ROBO2: variants seen among roughly 807,000 people sequenced by gnomAD.
The protein encoded by ROBO2 is roundabout homolog 2.
In ROBO2, 53 loss-of-function variants were observed where a neutral mutation model predicts 160.8. That is an observed-to-expected ratio of 0.33 (90% CI 0.26 to 0.41). The LOEUF (loss-of-function observed/expected upper bound fraction) is 0.41. Among genes scored for constraint, ROBO2 ranks in the 10% least tolerant of loss-of-function variants. The pLI is 1.00. For synonymous variants in ROBO2, 664 were observed against 611.7 expected (o/e 1.09, Z -1.26); for missense variants, 1,577 against 1,722.4 (o/e 0.92, Z 1.49).
chr3:76,884,080 T>C (rs1240341640), intron 2 of ROBO2, among the ~76,000 whole-genome samples: 2 of 152,218 alleles, frequency 1.3e-5, no homozygotes, highest in East Asian at 3.8e-4. Context: ...GCATAAGCAT[T>C]ATTATGAATC....
chr3:77,410,498 C>CTCCTCTTCCTCCTCT (rs147263172), intron 2 of ROBO2, among the ~76,000 whole-genome samples: 1 of 134,836 alleles, frequency 7.4e-6, no homozygotes, highest in Non-Finnish European at 1.7e-5. Flanking sequence ...TTTCCTCCTC[C>CTCCTCTTCCTCCTCT]TCCTCTTCCT....
intron 1 of ROBO2, among the ~76,000 whole-genome samples, chr3:77,081,653 G>A (rs2068672020): frequency 6.6e-6 from 1 of 152,220 alleles, no homozygotes; most frequent in South Asian, 2.1e-4. Context: ...AAGGGAGGCA[G>A]TGGCTTGTGC....
intron 2 of ROBO2, among the ~76,000 whole-genome samples, chr3:76,322,594 T>C (rs2072657532): frequency 6.6e-6 from 1 of 152,088 alleles, no homozygotes; most frequent in Non-Finnish European, 1.5e-5. Flanking sequence ...AATTTGAAAG[T>C]GATAGCATGT....
At chr3:75,994,989 A>G (rs1300116823) in intron 2 of ROBO2, among the ~76,000 whole-genome samples, 6 of 152,214 alleles carry the variant, frequency 3.9e-5, no homozygotes, top group Non-Finnish European at 7.3e-5. Context: ...ACTTTGAACT[A>G]GAGAGAGATG....
intron 2 of ROBO2, among the ~76,000 whole-genome samples, chr3:76,766,985 T>A (rs1442162587): frequency 6.6e-6 from 1 of 151,532 alleles, no homozygotes; most frequent in East Asian, 2.0e-4. Context: ...CTTCACATTA[T>A]TTATAAAGTT....
chr3:77,317,420 T>C (rs2064120325), intron 2 of ROBO2: 2 of 1,443,374 alleles, frequency 1.4e-6, no homozygotes, highest in Admixed American at 3.4e-5. Flanking sequence ...AGTCAGTCCA[T>C]CGGTACCTGG....
At chr3:77,124,057 C>T (rs2150296200) in intron 2 of ROBO2, among the ~76,000 whole-genome samples, 2 of 150,416 alleles carry the variant, frequency 1.3e-5, no homozygotes, top group South Asian at 4.2e-4. Flanking sequence ...ATTTGAAAAA[C>T]TGCTTTCTTG....
intron 2 of ROBO2, among the ~76,000 whole-genome samples, chr3:76,740,961 GA>G (rs1475706374): frequency 6.6e-6 from 1 of 151,966 alleles, no homozygotes; most frequent in Non-Finnish European, 1.5e-5. Flanking sequence ...ATTATTTTAA[GA>G]AAGTACAGCC....
At chr3:76,308,951 C>T (rs546222688) in intron 2 of ROBO2, among the ~76,000 whole-genome samples, 5 of 152,262 alleles carry the variant, frequency 3.3e-5, no homozygotes, top group African/African-American at 1.2e-4. Context: ...AACCTTGTTC[C>T]GGCCAGACCT....
intron 2 of ROBO2, among the ~76,000 whole-genome samples, chr3:76,825,534 C>T (rs79784357): frequency 0.026 from 3,385 of 130,218 alleles, 55 homozygotes; most frequent in Non-Finnish European, 0.035. Flanking sequence ...AAAGTAACTA[C>T]GAAGAAAAAT....
chr3:76,979,158 G>C (rs1388554549), intron 2 of ROBO2, among the ~76,000 whole-genome samples: 1 of 151,938 alleles, frequency 6.6e-6, no homozygotes, highest in East Asian at 1.9e-4. Context: ...TGCCCAGGTT[G>C]GTCTCGAACT....
At chr3:76,187,026 A>G (rs970187499) in intron 2 of ROBO2, among the ~76,000 whole-genome samples, 1 of 151,192 alleles carries the variant, frequency 6.6e-6, no homozygotes, top group Non-Finnish European at 1.5e-5. Context: ...ACCCTATGCC[A>G]TCCATAAATA....
chr3:77,310,867 A>C (rs2063488179), intron 2 of ROBO2, among the ~76,000 whole-genome samples: 1 of 151,470 alleles, frequency 6.6e-6, no homozygotes, highest in Admixed American at 6.6e-5. Flanking sequence ...AAAAAAAAAT[A>C]AAAGAACAGA....
exon 1 of ROBO2, chr3:77,040,607 C>T: frequency 6.8e-7 from 1 of 1,460,198 alleles, no homozygotes; most frequent in Non-Finnish European, 9.0e-7. Context: ...TCTCAGTGTG[C>T]CCCGTTCGAG....
At chr3:77,066,094 T>C (rs1486827594) in intron 1 of ROBO2, among the ~76,000 whole-genome samples, 1 of 152,008 alleles carries the variant, frequency 6.6e-6, no homozygotes, top group African/African-American at 2.4e-5. Flanking sequence ...GTGAATTATG[T>C]CTCATCATAA....
At chr3:76,229,375 CAA>C (rs1311031221) in intron 2 of ROBO2, among the ~76,000 whole-genome samples, 1 of 151,464 alleles carries the variant, frequency 6.6e-6, no homozygotes, top group African/African-American at 2.4e-5. Context: ...AGTAAAATTA[CAA>C]TAACTAATTT....
chr3:76,337,050 G>T (rs1452262704), intron 2 of ROBO2, among the ~76,000 whole-genome samples: 1 of 152,062 alleles, frequency 6.6e-6, no homozygotes, highest in Admixed American at 6.6e-5. Context: ...TGTCCAGCAA[G>T]TTTGATTACA....
intron 24 of ROBO2, among the ~76,000 whole-genome samples, chr3:77,637,961 G>T (rs180899352): frequency 6.6e-6 from 1 of 152,106 alleles, no homozygotes; most frequent in East Asian, 1.9e-4. Context: ...TTTCAAAAAG[G>T]GGTTATGGAT....
At chr3:76,756,676 T>G (rs1337340953) in intron 2 of ROBO2, among the ~76,000 whole-genome samples, 2 of 151,992 alleles carry the variant, frequency 1.3e-5, no homozygotes, top group East Asian at 3.9e-4. Context: ...TTTCTTAGTA[T>G]GTTTTCCTAC....
Sources: gnomAD v4.1 joint callset for allele counts (sites outside exome capture counted in the v4.1 genomes callset) on GRCh38, gnomAD v4.1.1 for gene constraint, MANE v1.5 for transcripts, NCBI Gene and HGNC (gene_info 2026-07-23, HGNC 2026-07-21) for gene names.